Variants in TMC6 observed in about 807,000 individuals in gnomAD.
The protein encoded by TMC6 is transmembrane channel-like protein 6.
Under a neutral mutation model 95.4 loss-of-function variants are expected in TMC6, and 71 were observed. That is an observed-to-expected ratio of 0.74 (90% CI 0.61 to 0.91). The LOEUF (loss-of-function observed/expected upper bound fraction) is 0.91, where lower values mean the gene tolerates loss of function less well. TMC6 is among the 40% of genes least tolerant of loss of function. The pLI is 0.00. For synonymous variants in TMC6, 514 were observed against 483.1 expected (o/e 1.06, Z -0.84); for missense variants, 1,074 against 1,079.1 (o/e 1.00, Z 0.07).
rs1284336923 is a variant in TMC6 at position 78,118,994 on chromosome 17, G to A, written c.1864C>T (p.Leu622=). Residue 622 remains leucine (L), a synonymous_variant, in exon 15 of 20, where the codon CTG becomes TTG. Transcript: ENST00000590602. ...LLPAVQIIKL[L]LVFYVKKTSL... is the part of the protein sequence containing the mutation. ...ACCTTCTTGACATAGAAGACGAGCAGCAGCTTGATGATCTGCACGGCGGGG... is the reference window on the plus strand; with the variant it reads ...ACCTTCTTGACATAGAAGACGAGCAACAGCTTGATGATCTGCACGGCGGGG... 5.0e-6 allele frequency: 8 copies of A among 1,605,478 alleles called. No homozygotes were observed. The highest frequency in any genetic ancestry group is 6.8e-6 in the Non-Finnish European group (8 of 1,176,352).
chr17:78,122,978 T>G lies in TMC6; in HGVS notation c.1083-229A>C. 1 of 630,564 alleles carries G rather than the reference T, an allele frequency of 1.6e-6. No homozygotes were observed. The highest frequency in any genetic ancestry group is 2.8e-6 in the Non-Finnish European group (1 of 360,068). The allele number at this position is 630,564 out of a possible 1,614,324, so 39.1% of individuals were successfully genotyped here. A position where few individuals can be genotyped will look rare whatever the true frequency, so the allele number is the denominator to read the frequency against. ...ATCTGCCTAGAAGAGGGGGCAGGGCTGCATTCACCGCGGACTTGGCTGGCT... is the reference window on the plus strand; with the variant it reads ...ATCTGCCTAGAAGAGGGGGCAGGGCGGCATTCACCGCGGACTTGGCTGGCT... On this transcript the variant is annotated intron_variant, in intron 9 of 19. Transcript: ENST00000590602. The surrounding 1 kb of genome is among the most constrained non-coding windows in gnomAD (Gnocchi z 4.9).
chr17:78,120,478 C>T (rs756733849), intron 13 of TMC6, 175 bp downstream of exon 13: 3 of 1,030,914 alleles, frequency 2.9e-6, no homozygotes, highest in African/African-American at 3.1e-5. Context: ...CACTTTGAAA[C>T]CTGTTTTCCT....
In TMC6 at chr17:78,109,111, TTTGTTGTTG is replaced by T. The variant is rs371196010; in HGVS notation, c.*4028_*4036del. 4 of 262,092 alleles carry T rather than the reference TTTGTTGTTG, an allele frequency of 1.5e-5. No individual in the cohort carries two copies. Among genetic ancestry groups the T allele is most frequent in the African/African-American group, 8.9e-5 (4 of 44,756 alleles). 16.2% of individuals were successfully genotyped at this position (262,092 alleles called of 1,614,324 possible). ...ACAGGCATGAGCCAGGTGCCCAGCC[TTTGTTGTTG>T]TTGTTGTTGCTGCTATTTTGGCAAC... is the stretch of plus-strand genomic sequence containing the variant. On this transcript the variant is annotated 3_prime_UTR_variant, in exon 20 of 20. Coordinates refer to ENST00000590602, the MANE Select transcript of TMC6 (RefSeq NM_001127198.5).
At position 78,125,842 on chromosome 17, in the gene TMC6, G is replaced by C. The variant is rs369567020; in HGVS notation, c.314C>G (p.Thr105Arg). 2 of 1,552,570 alleles carry C rather than the reference G, an allele frequency of 1.3e-6. No homozygotes were observed. Among genetic ancestry groups the C allele is most frequent in the Middle Eastern group, 1.7e-4 (1 of 5,992 alleles). Reference sequence around the variant, plus strand: ...GCTGCTCCTGCACCGAAGCTGCACCGTGCGGTTGTAGTACTGGGAGATGAT... The same window carrying C: ...GCTGCTCCTGCACCGAAGCTGCACCCTGCGGTTGTAGTACTGGGAGATGAT... Reference protein sequence around the residue: ...GAIISQYYNRTVQLRCRSSRP... With the variant: ...GAIISQYYNRRVQLRCRSSRP... The change falls in exon 5 of 20, where the codon ACG becomes AGG. Residue 105 changes from threonine (T) to arginine (R), a missense_variant. By Grantham distance (71) the Thr-to-Arg change is moderately conservative. Coordinates refer to ENST00000590602, the MANE Select transcript of TMC6 (RefSeq NM_001127198.5).
intron 13 of TMC6, 84 bp from the exon 14 acceptor site, chr17:78,119,476 GC>G: frequency 1.5e-6 from 2 of 1,375,696 alleles, no homozygotes; most frequent in South Asian, 1.2e-5. Context: ...GAGGCACCCC[GC>G]CCCCAGCCAG....
At chr17:78,113,789 A>G in intron 18 of TMC6, 165 bp from the exon 19 acceptor site, 1 of 721,964 alleles carries the variant, frequency 1.4e-6, no homozygotes. Context: ...AAGGACAAGG[A>G]AAAACCAAGA....
upstream of TMC6, among the ~76,000 whole-genome samples, chr17:78,130,235 C>A (rs941990087): frequency 6.6e-6 from 1 of 152,190 alleles, no homozygotes; most frequent in African/African-American, 2.4e-5. Context: ...ATGACAGGGG[C>A]TGGAAGTACA....
At chr17:78,123,040 T>C (rs1168478727) in intron 9 of TMC6, 2 of 528,738 alleles carry the variant, frequency 3.8e-6, no homozygotes, top group East Asian at 6.8e-5. Flanking sequence ...GATGCTGGGC[T>C]CACCTCAGGG....
At chr17:78,127,157 T>G (rs969155318) in intron 1 of TMC6, 2 of 515,804 alleles carry the variant, frequency 3.9e-6, no homozygotes, top group African/African-American at 1.9e-5. Context: ...GTTCCACATC[T>G]GTTTCCTCGA....
intron 9 of TMC6, chr17:78,123,192 A>C: frequency 3.2e-6 from 1 of 316,938 alleles, no homozygotes; most frequent in Non-Finnish European, 6.2e-6. Flanking sequence ...CTCCCATAAC[A>C]CTGGGGAAAC....
At position 78,113,117 on chromosome 17, in the gene TMC6, G is replaced by A. The variant is rs761826066; in HGVS notation, c.*31C>T. 10 of 1,549,618 alleles carry A rather than the reference G, an allele frequency of 6.5e-6. No individual in the cohort carries two copies. In the South Asian group the frequency reaches 9.5e-5, roughly 15 times the overall value. On this transcript the variant is annotated 3_prime_UTR_variant, in exon 20 of 20. Coordinates refer to ENST00000590602, the MANE Select transcript of TMC6 (RefSeq NM_001127198.5). ...GGCAACAGTGTGGTCTCAGGGTGCT[G>A]GGCGGGCCCGTGAGGCCCATCGCCG...
In TMC6 at chr17:78,124,372, T is replaced by C. The variant is rs760183882; in HGVS notation, c.891+152A>G. 6.8e-5 allele frequency: 92 copies of C among 1,359,470 alleles called. 1 individual carries two copies. In the Middle Eastern group the frequency reaches 2.5e-3, roughly 38 times the overall value. The allele number at this position is 1,359,470 out of a possible 1,614,324, so 84.2% of individuals were successfully genotyped here. A position where few individuals can be genotyped will look rare whatever the true frequency, so the allele number is the denominator to read the frequency against. Reference sequence around the variant, plus strand: ...CCAGCACGATGAGCATCCAGGGTCATTGAGGGGGAGGCGGGGAGCTGGCTG... The same window carrying C: ...CCAGCACGATGAGCATCCAGGGTCACTGAGGGGGAGGCGGGGAGCTGGCTG... On this transcript the variant is annotated intron_variant, in intron 8 of 19. Transcript: ENST00000590602.
In TMC6 at chr17:78,120,789, G is replaced by A. The variant is rs766371395; in HGVS notation, c.1579C>T (p.His527Tyr). The change falls in exon 13 of 20, where the codon CAC (histidine) becomes TAC (tyrosine). Residue 527 changes from histidine to tyrosine, a missense_variant. Transcript: ENST00000590602. ...ACGCCCACCCTGCGGCCCAGCCAGT[G>A]GTAGCACAGTGTCCCCAGGATGGCC... Reference protein sequence around the residue: ...KLAILGTLCYHWLGRRVGVLQ... With the variant: ...KLAILGTLCYYWLGRRVGVLQ... 1 of 1,613,634 alleles carries A rather than the reference G, an allele frequency of 6.2e-7. No individual in the cohort carries two copies. Among genetic ancestry groups the A allele is most frequent in the South Asian group, 1.1e-5 (1 of 91,082 alleles).
At position 78,109,349 on chromosome 17, in the gene TMC6, G is replaced by A. The variant is rs1598808105; in HGVS notation, c.*3799C>T. The A allele has an allele frequency of 2.3e-6, 1 of 426,882 alleles. No individual in the cohort carries two copies. Among genetic ancestry groups the A allele is most frequent in the East Asian group, 7.1e-5 (1 of 14,046 alleles). The allele number at this position is 426,882 out of a possible 1,614,324, so 26.4% of individuals were successfully genotyped here. On this transcript the variant is annotated 3_prime_UTR_variant, in exon 20 of 20. Coordinates refer to ENST00000590602, the MANE Select transcript of TMC6 (RefSeq NM_001127198.5). ...CTGCAGGAGTGCGGTGTCTACGGAT[G>A]GACCAAGAAAACCTACGCAGGATCC...
chr17:78,116,623 T>C (rs902278893), intron 18 of TMC6, among the ~76,000 whole-genome samples: 7 of 152,036 alleles, frequency 4.6e-5, no homozygotes, highest in Admixed American at 1.3e-4. Flanking sequence ...CGGTGGCTCA[T>C]GCCTATAATC....
chr17:78,122,895 C>T lies in TMC6; in HGVS notation c.1083-146G>A, dbSNP rs2074486440. 2.8e-6 allele frequency: 3 copies of T among 1,084,026 alleles called. No homozygotes were observed. Among genetic ancestry groups the T allele is most frequent in the Non-Finnish European group, 4.1e-6 (3 of 740,258 alleles). 67.2% of individuals were successfully genotyped at this position (1,084,026 alleles called of 1,614,324 possible). A position where few individuals can be genotyped will look rare whatever the true frequency, so the allele number is the denominator to read the frequency against. ...CCCTGACTGGGCCTCCTGCCACACC[C>T]CTGCCCCACCACCAGCCCTCTACAC... On this transcript the variant is annotated intron_variant, in intron 9 of 19. Coordinates refer to ENST00000590602, the MANE Select transcript of TMC6 (RefSeq NM_001127198.5). The surrounding 1 kb of genome is among the most constrained non-coding windows in gnomAD (Gnocchi z 4.9).
At position 78,125,845 on chromosome 17, in the gene TMC6, C is replaced by T. The variant is rs1406614435; in HGVS notation, c.311G>A (p.Arg104His). Residue 104 changes from arginine to histidine, a missense_variant, in exon 5 of 20, where the codon CGC (arginine) becomes CAC (histidine). Transcript: ENST00000590602. ...RGAIISQYYN[R>H]TVQLRCRSSR... Reference sequence around the variant, plus strand: ...GCTCCTGCACCGAAGCTGCACCGTGCGGTTGTAGTACTGGGAGATGATGGC... The same window carrying T: ...GCTCCTGCACCGAAGCTGCACCGTGTGGTTGTAGTACTGGGAGATGATGGC... 21 of 1,552,280 alleles carry T rather than the reference C, an allele frequency of 1.4e-5. No individual in the cohort carries two copies. Among genetic ancestry groups the T allele is most frequent in the East Asian group, 2.4e-5 (1 of 41,040 alleles).
At chr17:78,131,578 T>C (rs1201902997), upstream of TMC6, 2 of 1,542,682 alleles carry the variant, frequency 1.3e-6, no homozygotes, top group East Asian at 4.9e-5. Context: ...CCTCTACCCG[T>C]GCCCGCCGAG....
intron 18 of TMC6, among the ~76,000 whole-genome samples, chr17:78,114,988 TG>T: frequency 2.0e-5 from 3 of 152,320 alleles, no homozygotes; most frequent in Non-Finnish European, 4.4e-5. Flanking sequence ...ACCTGGCCCC[TG>T]GGGGCTCTGA....
Sources: allele counts gnomAD v4.1 joint callset (sites outside exome capture counted in the v4.1 genomes callset), GRCh38; gene constraint gnomAD v4.1.1; non-coding constraint Gnocchi (gnomAD v3.1); transcripts MANE v1.5; gene names NCBI Gene and HGNC (gene_info 2026-07-23, HGNC 2026-07-21).